NCOA4: variants seen among roughly 807,000 people sequenced by gnomAD.
The protein encoded by NCOA4 is nuclear receptor coactivator 4.
Under a neutral mutation model 69.5 loss-of-function variants are expected in NCOA4, and 31 were observed. That is an observed-to-expected ratio of 0.45 (90% CI 0.34 to 0.60). The LOEUF is 0.60. NCOA4 is among the 20% of genes least tolerant of loss of function. The pLI, the probability that NCOA4 is intolerant of heterozygous loss-of-function variation, is 0.02. For synonymous variants in NCOA4, 228 were observed against 252.4 expected (o/e 0.90, Z 0.92); for missense variants, 600 against 719.2 (o/e 0.83, Z 1.90).
chr10:46,019,346 G>A lies in NCOA4; in HGVS notation c.-14-2652C>T, dbSNP rs544003132. 81 of 985,384 alleles carry A rather than the reference G, an allele frequency of 8.2e-5. 1 individual carries two copies. Among genetic ancestry groups the A allele is most frequent in the South Asian group, 6.6e-4 (14 of 21,282 alleles). 61.0% of individuals were successfully genotyped at this position (985,384 alleles called of 1,614,324 possible). ...ACCTGTATCACATGGGTGAAATGCC[G>A]GCTCCGATTTGGAGAGCTGGAGCGT... On this transcript the variant is annotated intron_variant, in intron 1 of 9. Coordinates refer to ENST00000581486, the MANE Select transcript of NCOA4 (RefSeq NM_001145263.2).
intron 1 of NCOA4, chr10:46,023,474 G>C: frequency 1.0e-6 from 1 of 985,624 alleles, no homozygotes; most frequent in Non-Finnish European, 1.2e-6. Flanking sequence ...GGCCACTAGC[G>C]AGCTGGAGCG....
At chr10:46,023,211 C>G (rs574808624) in intron 1 of NCOA4, 1 of 939,352 alleles carries the variant, frequency 1.1e-6, no homozygotes, top group Admixed American at 6.2e-5. Context: ...TCGCCCCGGT[C>G]GCCGATTCGC....
At chr10:46,026,604 T>C (rs1017962151) in intron 1 of NCOA4, among the ~76,000 whole-genome samples, 2 of 152,218 alleles carry the variant, frequency 1.3e-5, no homozygotes, top group East Asian at 1.9e-4. Context: ...GTTCTCCCCA[T>C]AGAAGCCAAC....
intron 1 of NCOA4, chr10:46,023,247 G>A (rs928240173): frequency 4.1e-6 from 4 of 982,960 alleles, no homozygotes; most frequent in Non-Finnish European, 3.6e-6. Flanking sequence ...CAGCCGCTGC[G>A]ACCCGGCTCC....
At chr10:46,022,476 T>C (rs781982665) in intron 1 of NCOA4, 2 of 467,246 alleles carry the variant, frequency 4.3e-6, no homozygotes, top group African/African-American at 4.0e-5. Context: ...GGGTTTTTTT[T>C]TTGTTTTGAG....
At position 46,006,318 on chromosome 10, in the gene NCOA4, C is replaced by T. The variant is rs1554919688; in HGVS notation, c.*274G>A. On this transcript the variant is annotated 3_prime_UTR_variant, in exon 10 of 10. Transcript: ENST00000581486. ...CTTGGAGGCTTGTGAAAAAGACGTC[C>T]ACAAAGATGCTGCATTTCTAGTGTG... is the stretch of plus-strand genomic sequence containing the variant. 1 of 488,214 alleles carries T rather than the reference C, an allele frequency of 2.0e-6. No homozygotes were observed. The highest frequency in any genetic ancestry group is 1.9e-5 in the African/African-American group (1 of 52,380). 30.2% of individuals were successfully genotyped at this position (488,214 alleles called of 1,614,324 possible).
intron 1 of NCOA4, among the ~76,000 whole-genome samples, chr10:46,024,320 A>G (rs913724329): frequency 6.6e-6 from 1 of 152,268 alleles, no homozygotes; most frequent in African/African-American, 2.4e-5. Context: ...CTATTAAAAT[A>G]TAACTCATGT....
chr10:46,023,080 C>G (rs1176735750), intron 1 of NCOA4, among the ~76,000 whole-genome samples: 4 of 152,210 alleles, frequency 2.6e-5, no homozygotes, highest in Non-Finnish European at 5.9e-5. Context: ...TAACTGAAAA[C>G]CGACCGCAAG....
At chr10:46,016,784 C>T in intron 1 of NCOA4, 90 bp from the exon 2 acceptor site, 1 of 887,720 alleles carries the variant, frequency 1.1e-6, no homozygotes, top group African/African-American at 1.7e-5. Context: ...TTCCAGCCAA[C>T]TCCCATTACT....
At chr10:46,007,581 CTTTTTTTTTTTTT>C (rs71026287) in intron 9 of NCOA4, among the ~76,000 whole-genome samples, 32 of 85,486 alleles carry the variant, frequency 3.7e-4, no homozygotes, top group African/African-American at 1.2e-3. Context: ...GCCAGTGACT[CTTTTTTTTTTTTT>C]TTTTTTTTTT....
At chr10:46,021,015 C>T (rs1839837587) in intron 1 of NCOA4, among the ~76,000 whole-genome samples, 1 of 152,190 alleles carries the variant, frequency 6.6e-6, no homozygotes, top group East Asian at 1.9e-4. Context: ...CACACATACC[C>T]TTCAAACGAA....
rs1255355460 is a variant in NCOA4, at chr10:46,006,023, ATAAT to A, written c.*565_*568del. On this transcript the variant is annotated 3_prime_UTR_variant, in exon 10 of 10. Transcript: ENST00000581486. The stretch of plus-strand genomic sequence containing the variant: ...GAACTAACGTGGGCTAAAATGTTTC[ATAAT>A]TAATGTCAAAAATTGCCAAGATTAT... The A allele has an allele frequency of 2.4e-5, 5 of 205,576 alleles. No individual in the cohort carries two copies. The highest frequency in any genetic ancestry group is 6.0e-5 in the Admixed American group (1 of 16,798). The allele number at this position is 205,576 out of a possible 1,614,324, so 12.7% of individuals were successfully genotyped here.
In NCOA4 at chr10:46,005,622, G is replaced by A. The variant is rs1339983509; in HGVS notation, c.*970C>T. On this transcript the variant is annotated 3_prime_UTR_variant, in exon 10 of 10. Transcript: ENST00000581486. ...ACCCCAAGGCACAAGTGTTGAAAAC[G>A]GCCTGTTCACTAAAACGTCACTTTT... The A allele has an allele frequency of 4.1e-5, 9 of 219,336 alleles. No individual in the cohort carries two copies. The highest frequency in any genetic ancestry group is 2.0e-4 in the African/African-American group (9 of 44,540). The allele number at this position is 219,336 out of a possible 1,614,324, so 13.6% of individuals were successfully genotyped here.
chr10:46,017,991 G>A (rs1397834057), intron 1 of NCOA4, among the ~76,000 whole-genome samples: 1 of 152,214 alleles, frequency 6.6e-6, no homozygotes, highest in African/African-American at 2.4e-5. Flanking sequence ...AGGTAATGCT[G>A]TAGACACAAA....
At chr10:46,014,613 T>TA (rs1839427908) in intron 4 of NCOA4, 61 bp from the exon 5 acceptor site, 1 of 1,291,006 alleles carries the variant, frequency 7.7e-7, no homozygotes, top group African/African-American at 1.5e-5. Flanking sequence ...CAACTTCATC[T>TA]AAAACAAAAG....
At chr10:46,006,669 C>G (rs1554919862) in intron 9 of NCOA4, 72 bp from the exon 10 acceptor site, 1 of 1,452,280 alleles carries the variant, frequency 6.9e-7, no homozygotes, top group East Asian at 2.3e-5. Context: ...TGCCTTAAAG[C>G]TCCGACTCAT....
rs782773996 is a variant in NCOA4 at position 46,011,085 on chromosome 10, C to T, written c.836G>A (p.Ser279Asn). 5.0e-6 allele frequency: 8 copies of T among 1,613,880 alleles called. No individual in the cohort carries two copies. The Admixed American group carries it at 1.0e-4, about 20-fold the overall frequency. Residue 279 changes from serine (S) to asparagine (N), a missense_variant, in exon 8 of 10, where the codon AGT becomes AAT. Coordinates refer to ENST00000581486, the MANE Select transcript of NCOA4 (RefSeq NM_001145263.2). ...CTTTTCCATTTCAATGGAGAAAGAACTAGTAGTGGAATGGCTGTTACACTT... is the reference window on the plus strand; with the variant it reads ...CTTTTCCATTTCAATGGAGAAAGAATTAGTAGTGGAATGGCTGTTACACTT... Reference protein sequence around the residue: ...YQKCNSHSTTSSFSIEMEKVG... With the variant: ...YQKCNSHSTTNSFSIEMEKVG...
rs781843071 is a variant in NCOA4 at position 46,010,933 on chromosome 10, G to C, written c.988C>G (p.Leu330Val). Residue 330 changes from leucine (L) to valine (V), a missense_variant, in exon 8 of 10, where the codon CTC becomes GTC. Transcript: ENST00000581486. ...TTCACATTATAGGACTGGAATAAGA[G>C]CTTAAACTTCTCACTGGTTTCACGA... is the stretch of plus-strand genomic sequence containing the variant. Reference protein sequence around the residue: ...GSRETSEKFKLLFQSYNVNDW... With the variant: ...GSRETSEKFKVLFQSYNVNDW... 6 of 1,613,948 alleles carry C rather than the reference G, an allele frequency of 3.7e-6. No homozygotes were observed. The highest frequency in any genetic ancestry group is 5.1e-6 in the Non-Finnish European group (6 of 1,179,854).
chr10:46,007,190 T>G (rs1838879926), intron 9 of NCOA4, among the ~76,000 whole-genome samples: 1 of 152,216 alleles, frequency 6.6e-6, no homozygotes, highest in Admixed American at 6.5e-5. Context: ...GAGAAAGTTT[T>G]AGTGGTCTCT....
Sources: allele counts gnomAD v4.1 joint callset (sites outside exome capture counted in the v4.1 genomes callset), GRCh38; gene constraint gnomAD v4.1.1; transcripts MANE v1.5; gene names NCBI Gene and HGNC (gene_info 2026-07-23, HGNC 2026-07-21).